The following CA8 variants were observed in gnomAD, a reference collection of about 807,000 sequenced individuals.
CA8 encodes carbonic anhydrase-related protein.
In CA8, 22 loss-of-function variants were observed where a neutral mutation model predicts 41.4. The ratio of observed to expected loss-of-function variants is 0.53; its 90% confidence interval spans 0.38 to 0.76. The LOEUF is 0.76. Ranked by LOEUF, CA8 falls within the 30% of genes least tolerant of loss-of-function variation. CA8 has a pLI of 0.00. For synonymous variants in CA8, 121 were observed against 130.6 expected, an observed-to-expected ratio of 0.93 and a Z score of 0.50; for missense variants, 270 against 352.8, an observed-to-expected ratio of 0.77 and a Z score of 1.88.
At chr8:60,207,047 C>T (rs1025932148) in intron 8 of CA8, among the ~76,000 whole-genome samples, 1 of 152,230 alleles carries the variant, frequency 6.6e-6, no homozygotes, top group Non-Finnish European at 1.5e-5. Flanking sequence ...TCCAGCTCCT[C>T]CCTTCCTATG....
At chr8:60,228,102 T>C (rs544872468) in intron 4 of CA8, among the ~76,000 whole-genome samples, 3 of 152,186 alleles carry the variant, frequency 2.0e-5, no homozygotes, top group Non-Finnish European at 4.4e-5. Context: ...GTTAACTAAC[T>C]GCAAAACATG....
intron 3 of CA8, among the ~76,000 whole-genome samples, chr8:60,251,810 C>T (rs1808461129): frequency 6.6e-6 from 1 of 152,124 alleles, no homozygotes; most frequent in African/African-American, 2.4e-5. Context: ...TAGAGTAGGG[C>T]AATCAAGTAT....
chr8:60,214,008 G>C (rs1563528819), intron 7 of CA8, among the ~76,000 whole-genome samples: 2 of 152,170 alleles, frequency 1.3e-5, no homozygotes, highest in East Asian at 3.9e-4. Context: ...CAGACCTACT[G>C]AATCAGCAAC....
chr8:60,278,356 T>A (rs886239334), intron 2 of CA8, among the ~76,000 whole-genome samples: 1 of 152,252 alleles, frequency 6.6e-6, no homozygotes, highest in Non-Finnish European at 1.5e-5. Context: ...TAAATTTATA[T>A]GCAACCAATA....
At chr8:60,266,169 A>C in intron 2 of CA8, 120 bp from the exon 3 acceptor site, 1 of 918,498 alleles carries the variant, frequency 1.1e-6, no homozygotes, top group Non-Finnish European at 1.6e-6. Flanking sequence ...TTAAATTCAC[A>C]AAGCCAAAAT....
chr8:60,207,433 G>A (rs916076196), intron 8 of CA8, among the ~76,000 whole-genome samples: 7 of 152,062 alleles, frequency 4.6e-5, no homozygotes, highest in Non-Finnish European at 1.0e-4. Flanking sequence ...ACCAGAGTCC[G>A]CTATTGCAGT....
At chr8:60,278,140 T>C (rs928187732) in intron 2 of CA8, among the ~76,000 whole-genome samples, 16 of 152,088 alleles carry the variant, frequency 1.1e-4, no homozygotes, top group African/African-American at 3.9e-4. Flanking sequence ...TTTGAGAAGG[T>C]AGCAGAAGAA....
intron 3 of CA8, among the ~76,000 whole-genome samples, chr8:60,233,772 T>G (rs1807739455): frequency 2.0e-5 from 3 of 152,210 alleles, no homozygotes. Context: ...TTTTTCTTAC[T>G]TCTCACAGCA....
chr8:60,226,844 T>G, intron 5 of CA8, 29 bp downstream of exon 5: 2 of 1,364,010 alleles, frequency 1.5e-6, no homozygotes, highest in Non-Finnish European at 2.1e-6. Context: ...ACAACCAGTA[T>G]TTCTATATTA....
intron 7 of CA8, among the ~76,000 whole-genome samples, chr8:60,222,334 G>A (rs1043023811): frequency 6.3e-5 from 9 of 143,462 alleles, no homozygotes; most frequent in South Asian, 2.2e-4. Flanking sequence ...CCCACTTTAC[G>A]TCCAGACTTT....
chr8:60,222,933 T>C (rs937281952), intron 6 of CA8, among the ~76,000 whole-genome samples, 172 bp from the exon 7 acceptor site: 18 of 152,246 alleles, frequency 1.2e-4, no homozygotes, highest in South Asian at 2.1e-4. Flanking sequence ...GAGAAAATAA[T>C]TGATAAAAAG....
At chr8:60,190,697 C>CT (rs939496591) in intron 8 of CA8, among the ~76,000 whole-genome samples, 6 of 149,636 alleles carry the variant, frequency 4.0e-5, no homozygotes, top group African/African-American at 1.5e-4. Flanking sequence ...ATTCTAGGAA[C>CT]TTATAATAGA....
intron 7 of CA8, among the ~76,000 whole-genome samples, chr8:60,220,262 C>A (rs1220867957): frequency 6.6e-6 from 1 of 152,058 alleles, no homozygotes. Context: ...CCAGAAACAG[C>A]ACAGTGGAAG....
rs1807160365 is a variant in CA8, at chr8:60,219,502, AG to A, written c.738+3146del. On this transcript the variant is annotated intron_variant, in intron 7 of 8. Transcript: ENST00000317995. ...CTAAGGATCCCTAAATCTGCACATT[AG>A]GCCTCAGCCTCTGAAGTTCTTGTCA... 3.9e-5 allele frequency among the ~76,000 whole-genome samples: 6 copies of A among 152,268 alleles called. No homozygotes were observed. In the South Asian group the frequency reaches 1.2e-3, roughly 32 times the overall value.
chr8:60,196,713 C>T (rs1202977105), intron 8 of CA8, among the ~76,000 whole-genome samples: 1 of 151,958 alleles, frequency 6.6e-6, no homozygotes, highest in African/African-American at 2.4e-5. Flanking sequence ...TTCTTTTTCT[C>T]AACCTCTCTT....
At chr8:60,220,710 C>T (rs1563351614) in intron 7 of CA8, among the ~76,000 whole-genome samples, 1 of 152,134 alleles carries the variant, frequency 6.6e-6, no homozygotes, top group African/African-American at 2.4e-5. Flanking sequence ...AATTCTAGCT[C>T]GTCTGATCAC....
At position 60,232,365 on chromosome 8, in the gene CA8, G is replaced by A. The variant is rs1256555321; in HGVS notation, c.432C>T (p.His144=). ...KAFPMELHLI[H]WNSTLFGSID... ...TGCTGCCAAACAGAGTGGAGTTCCA[G>A]TGGATCAGATGGAGCTGAGTGAGTG... Residue 144 remains histidine (H), a synonymous_variant, in exon 4 of 9, where the codon CAC becomes CAT. Coordinates refer to ENST00000317995, the MANE Select transcript of CA8 (RefSeq NM_004056.6). 6.2e-7 allele frequency: 1 copy of A among 1,613,528 alleles called. No homozygotes were observed. The highest frequency in any genetic ancestry group is 1.7e-5 in the Admixed American group (1 of 60,026).
intron 8 of CA8, among the ~76,000 whole-genome samples, chr8:60,190,745 A>G (rs1455490096): frequency 2.0e-5 from 3 of 150,520 alleles, no homozygotes; most frequent in Non-Finnish European, 4.4e-5. Flanking sequence ...TCTATGTGTA[A>G]GGATATTCAC....
chr8:60,215,734 T>C (rs77732337), intron 7 of CA8, among the ~76,000 whole-genome samples: 4,062 of 152,274 alleles, frequency 0.027, 198 homozygotes, highest in African/African-American at 0.091. Context: ...GAATTCCTAT[T>C]CTAGAATTCC....
Sources: allele counts gnomAD v4.1 joint callset (sites outside exome capture counted in the v4.1 genomes callset), GRCh38; gene constraint gnomAD v4.1.1; transcripts MANE v1.5; gene names NCBI Gene and HGNC (gene_info 2026-07-23, HGNC 2026-07-21).